Variants in MRRF observed in about 807,000 individuals in gnomAD.
The protein encoded by MRRF is ribosome-recycling factor, mitochondrial.
Under a neutral mutation model 25.1 loss-of-function variants are expected in MRRF, and 18 were observed. The ratio of observed to expected loss-of-function variants is 0.72; its 90% CI spans 0.50 to 1.06. The LOEUF (loss-of-function observed/expected upper bound fraction) is 1.06, where lower values mean the gene tolerates loss of function less well. Among genes scored for constraint, MRRF ranks in the 50% least tolerant of loss-of-function variants. The pLI is 0.00. For synonymous variants in MRRF, 113 were observed against 112.1 expected, an observed-to-expected ratio of 1.01 and a Z score of -0.05; for missense variants, 323 against 319.3, an observed-to-expected ratio of 1.01 and a Z score of -0.09.
chr9:122,302,222 A>G (rs1439463669), intron 5 of MRRF, among the ~76,000 whole-genome samples: 2 of 152,068 alleles, frequency 1.3e-5, no homozygotes, highest in Admixed American at 6.5e-5. Flanking sequence ...AAAGTGTACA[A>G]CTCAATGGTT....
intron 4 of MRRF, among the ~76,000 whole-genome samples, chr9:122,291,164 G>T (rs1159658932): frequency 6.6e-6 from 1 of 152,150 alleles, no homozygotes; most frequent in Non-Finnish European, 1.5e-5. Flanking sequence ...CCAGAGCTGG[G>T]ATGTGAACTG....
intron 4 of MRRF, among the ~76,000 whole-genome samples, chr9:122,291,295 A>G (rs1456617980): frequency 6.6e-6 from 1 of 152,242 alleles, no homozygotes; most frequent in African/African-American, 2.4e-5. Flanking sequence ...GTGTGAGTGC[A>G]GATGCGAATG....
At chr9:122,304,090 C>T (rs1339544946) in intron 5 of MRRF, among the ~76,000 whole-genome samples, 1 of 151,956 alleles carries the variant, frequency 6.6e-6, no homozygotes, top group Non-Finnish European at 1.5e-5. Context: ...CACACACACA[C>T]ACACACACAC....
intron 6 of MRRF, among the ~76,000 whole-genome samples, chr9:122,318,203 A>G (rs1179705961): frequency 6.6e-6 from 1 of 151,806 alleles, no homozygotes; most frequent in Non-Finnish European, 1.5e-5. Context: ...TTTGACCCCC[A>G]GATTTCCTCA....
intron 3 of MRRF, among the ~76,000 whole-genome samples, chr9:122,283,966 TTTG>T (rs199591983): frequency 0.099 from 14,895 of 150,560 alleles, 807 homozygotes; most frequent in African/African-American, 0.14. Context: ...TGTTAATAGT[TTTG>T]TTGTTGTTGT....
In MRRF at chr9:122,313,276, A is replaced by G; in HGVS notation, c.601A>G (p.Thr201Ala). 1.2e-6 allele frequency: 2 copies of G among 1,614,162 alleles called. No homozygotes were observed. Among genetic ancestry groups the G allele is most frequent in the East Asian group, 2.2e-5 (1 of 44,882 alleles). ...EMLVKLAKQN[T>A]NKAKDSLRKV... ...GCTGGTGAAACTGGCCAAACAGAACACCAACAAGGCCAAAGACTCTTTACG... is the reference window on the plus strand; with the variant it reads ...GCTGGTGAAACTGGCCAAACAGAACGCCAACAAGGCCAAAGACTCTTTACG... Residue 201 changes from threonine to alanine, a missense_variant, in exon 6 of 7, where the codon ACC becomes GCC. Thr to Ala is a moderately conservative substitution (Grantham distance 58). Coordinates refer to ENST00000344641, the MANE Select transcript of MRRF (RefSeq NM_138777.5).
At chr9:122,317,904 C>G (rs1053022076) in intron 6 of MRRF, among the ~76,000 whole-genome samples, 7 of 152,014 alleles carry the variant, frequency 4.6e-5, no homozygotes, top group African/African-American at 1.7e-4. Flanking sequence ...TTGGGAGGTC[C>G]AGGCAGGTAG....
intron 4 of MRRF, chr9:122,285,767 T>C (rs952439451): frequency 7.9e-7 from 1 of 1,264,080 alleles, no homozygotes; most frequent in Non-Finnish European, 1.0e-6. Flanking sequence ...CTAATTGAGT[T>C]TTTTTTTTAA....
chr9:122,319,748 C>G (rs890314222), intron 6 of MRRF, among the ~76,000 whole-genome samples: 4 of 151,978 alleles, frequency 2.6e-5, no homozygotes, highest in Non-Finnish European at 4.4e-5. Context: ...TGTTGTTGGC[C>G]TTGTTGCTAT....
intron 5 of MRRF, among the ~76,000 whole-genome samples, chr9:122,293,742 T>C (rs923552419): frequency 3.3e-5 from 5 of 152,218 alleles, no homozygotes; most frequent in African/African-American, 9.6e-5. Flanking sequence ...CCAGGCTCTG[T>C]GCTGGGGATG....
chr9:122,286,859 T>C (rs1281410311), intron 4 of MRRF, among the ~76,000 whole-genome samples: 1 of 152,232 alleles, frequency 6.6e-6, no homozygotes, highest in African/African-American at 2.4e-5. Context: ...AAAATCTTCA[T>C]TATGGCCTAG....
Position 122,265,176 on chromosome 9 carries a change from A to G in MRRF, c.-29+238A>G, listed in dbSNP as rs182351362. On this transcript the variant is annotated intron_variant, in intron 1 of 6. Coordinates refer to ENST00000344641, the MANE Select transcript of MRRF (RefSeq NM_138777.5). The stretch of plus-strand genomic sequence containing the variant: ...GGGATGCTGGAGGAACTTACTAAAG[A>G]GTAGCCGCACACTTGACGGGAACGT... Among the ~76,000 whole-genome samples the G allele has an allele frequency of 1.2e-4, 19 of 152,332 alleles. No homozygotes were observed. The East Asian group carries it at 3.1e-3, about 25-fold the overall frequency.
intron 4 of MRRF, among the ~76,000 whole-genome samples, chr9:122,288,052 A>G (rs571322301): frequency 6.6e-6 from 1 of 152,322 alleles, no homozygotes; most frequent in South Asian, 2.1e-4. Flanking sequence ...GCAGATTTAC[A>G]TGCATGATCT....
intron 6 of MRRF, among the ~76,000 whole-genome samples, chr9:122,316,631 T>C (rs1340979144): frequency 6.6e-6 from 1 of 152,070 alleles, no homozygotes; most frequent in Non-Finnish European, 1.5e-5. Context: ...TACGTGTGCG[T>C]GCATGTTTTA....
At position 122,306,014 on chromosome 9, in the gene MRRF, A is replaced by G. The variant is rs114517928; in HGVS notation, c.552-7213A>G. Among the ~76,000 whole-genome samples, 1,330 of 152,330 alleles carry G rather than the reference A, an allele frequency of 8.7e-3. 22 individuals are homozygous for G. The highest frequency in any genetic ancestry group is 0.03 in the African/African-American group (1,227 of 41,566). On this transcript the variant is annotated intron_variant, in intron 5 of 6. Coordinates refer to ENST00000344641, the MANE Select transcript of MRRF (RefSeq NM_138777.5). ...TTATCTCTATCTTACAGATGAGGTA[A>G]CTAAGTCACAGAGGAATGGGTTTTT...
rs539071138 is a variant in MRRF, at chr9:122,322,294, C to T, written c.712-246C>T. 3.6e-3 allele frequency among the ~76,000 whole-genome samples: 546 copies of T among 151,674 alleles called. 6 individuals carry two copies. The highest frequency in any genetic ancestry group is 0.013 in the African/African-American group (521 of 41,356). ...AGGAGAATGGCGTGAACACAGGAGG[C>T]GGAGCTTGCAGTGAGCCGAGATTGC... is the stretch of plus-strand genomic sequence containing the variant. On this transcript the variant is annotated intron_variant, in intron 6 of 6. Coordinates refer to ENST00000344641, the MANE Select transcript of MRRF (RefSeq NM_138777.5).
chr9:122,322,742 C>G lies in MRRF; in HGVS notation c.*125C>G. ...TGTCACCATGCTGACAGAAGCCTGT[C>G]CTTGTAAGGCCCAGCCTTCCAGGGG... is the stretch of plus-strand genomic sequence containing the variant. On this transcript the variant is annotated 3_prime_UTR_variant, in exon 7 of 7. Coordinates refer to ENST00000344641, the MANE Select transcript of MRRF (RefSeq NM_138777.5). 1 of 834,772 alleles carries G rather than the reference C, an allele frequency of 1.2e-6. No individual in the cohort carries two copies. Among genetic ancestry groups the G allele is most frequent in the Admixed American group, 2.0e-5 (1 of 50,208 alleles). The allele number at this position is 834,772 out of a possible 1,614,324, so 51.7% of individuals were successfully genotyped here.
intron 3 of MRRF, among the ~76,000 whole-genome samples, chr9:122,281,078 A>G (rs1424669490): frequency 2.0e-5 from 3 of 152,204 alleles, no homozygotes; most frequent in Non-Finnish European, 4.4e-5. Flanking sequence ...CTTACTGGGA[A>G]CCAAATGAAT....
chr9:122,311,656 A>G (rs986219148), intron 5 of MRRF, among the ~76,000 whole-genome samples: 15 of 152,252 alleles, frequency 9.9e-5, no homozygotes, highest in African/African-American at 3.6e-4. Context: ...AAAATATAAC[A>G]TTGTAGTGAA....
Sources: gnomAD v4.1 joint callset for allele counts (sites outside exome capture counted in the v4.1 genomes callset) on GRCh38, gnomAD v4.1.1 for gene constraint, MANE v1.5 for transcripts, NCBI Gene and HGNC (gene_info 2026-07-23, HGNC 2026-07-21) for gene names.